The following CNOT4 variants were observed in gnomAD, a reference collection of about 807,000 sequenced individuals.
The protein encoded by CNOT4 is CCR4-associated factor 4.
CNOT4 carries 8 observed loss-of-function variants against 73.8 expected under a neutral mutation model. That is an observed-to-expected ratio of 0.11 (90% CI 0.06 to 0.20). CNOT4 has a LOEUF of 0.20. Among genes scored for constraint, CNOT4 ranks in the 10% least tolerant of loss-of-function variants. The pLI is 1.00. For missense variants in CNOT4, 564 were observed against 883.4 expected (o/e 0.64, Z 4.58); for synonymous variants, 293 against 321.1 (o/e 0.91, Z 0.94).
At position 135,395,827 on chromosome 7, in the gene CNOT4, G is replaced by C. The variant is rs1353336963; in HGVS notation, c.936C>G (p.Val312=). ...TGTGATTGGATGAACTGATGGGGATGACTGGATTGGATTTTGACAAACCAG... is the reference window on the plus strand; with the variant it reads ...TGTGATTGGATGAACTGATGGGGATCACTGGATTGGATTTTGACAAACCAG... ...PPPGLSKSNP[V]IPISSSNHSA... is the part of the protein sequence containing the mutation. Residue 312 remains valine (V), a synonymous_variant, in exon 9 of 12, where the codon GTC becomes GTG. Coordinates refer to ENST00000541284, the MANE Select transcript of CNOT4 (RefSeq NM_001190850.2). The C allele has an allele frequency of 1.2e-6, 2 of 1,612,028 alleles. No homozygotes were observed. The highest frequency in any genetic ancestry group is 1.7e-6 in the Non-Finnish European group (2 of 1,178,088).
Position 135,504,462 on chromosome 7 carries a change from ATTTTTT to A in CNOT4, c.-93+5421_-93+5426del, listed in dbSNP as rs34100799. On this transcript the variant is annotated intron_variant, in intron 1 of 11. Transcript: ENST00000541284. ...AGGCACGTGCCACCACATCCGGCTAATTTTTTTTTTTTTTTTTTTTTTTTTTTATTT... is the reference window on the plus strand; with the variant it reads ...AGGCACGTGCCACCACATCCGGCTAATTTTTTTTTTTTTTTTTTTTTATTT... Among the ~76,000 whole-genome samples the A allele has an allele frequency of 5.4e-5, 3 of 55,942 alleles. 1 individual carries two copies. The Admixed American group carries it at 6.3e-4, about 12-fold the overall frequency. 36.7% of individuals were successfully genotyped at this position (55,942 alleles called of 152,430 possible).
intron 1 of CNOT4, among the ~76,000 whole-genome samples, chr7:135,507,257 T>C (rs1025144223): frequency 2.0e-5 from 3 of 152,232 alleles, no homozygotes; most frequent in African/African-American, 7.2e-5. Context: ...CTTTAAGCGA[T>C]TCATGTTCAA....
chr7:135,388,072 A>G (rs1796212241), intron 10 of CNOT4: 1 of 985,288 alleles, frequency 1.0e-6, no homozygotes, highest in Admixed American at 6.1e-5. Flanking sequence ...TATAAACTGA[A>G]GTTCTGTTTT....
At position 135,395,656 on chromosome 7, in the gene CNOT4, T is replaced by C. The variant is rs1270663280; in HGVS notation, c.1107A>G (p.Glu369=). 1.2e-6 allele frequency: 2 copies of C among 1,614,018 alleles called. No homozygotes were observed. Among genetic ancestry groups the C allele is most frequent in the African/African-American group, 1.3e-5 (1 of 75,046 alleles). The change falls in exon 9 of 12, where the codon GAA becomes GAG. Residue 369 remains glutamate, a synonymous_variant. Coordinates refer to ENST00000541284, the MANE Select transcript of CNOT4 (RefSeq NM_001190850.2). ...QTSSDWPTAP[E]PQSLFTSETI... ...TACCTGATGTGAAGAGGCTCTGTGG[T>C]TCTGGTGCTGTAGGCCAGTCACTGG...
chr7:135,436,876 C>T lies in CNOT4; in HGVS notation c.174+1282G>A, dbSNP rs985270123. On this transcript the variant is annotated intron_variant, in intron 2 of 11. Coordinates refer to ENST00000541284, the MANE Select transcript of CNOT4 (RefSeq NM_001190850.2). Reference sequence around the variant, plus strand: ...AGATTATTTTTTAAATTTTAGATATCTAAAACACATTTCAGCTTTCTCAAA... The same window carrying T: ...AGATTATTTTTTAAATTTTAGATATTTAAAACACATTTCAGCTTTCTCAAA... 1.3e-5 allele frequency among the ~76,000 whole-genome samples: 2 copies of T among 151,878 alleles called. 1 individual carries two copies. The highest frequency in any genetic ancestry group is 4.1e-4 in the South Asian group (2 of 4,824).
chr7:135,422,040 C>T, intron 3 of CNOT4, 116 bp downstream of exon 3: 1 of 638,094 alleles, frequency 1.6e-6, no homozygotes, highest in Non-Finnish European at 2.8e-6. Flanking sequence ...TTATTTTCTC[C>T]TTCAAGATAT....
At chr7:135,439,713 A>G (rs143014060) in intron 1 of CNOT4, among the ~76,000 whole-genome samples, 10 of 152,330 alleles carry the variant, frequency 6.6e-5, no homozygotes, top group African/African-American at 2.4e-4. Flanking sequence ...CCAGGAGTTC[A>G]AGGCTGCAGT....
intron 1 of CNOT4, among the ~76,000 whole-genome samples, chr7:135,470,112 C>T (rs927366403): frequency 7.9e-5 from 12 of 151,638 alleles, no homozygotes; most frequent in African/African-American, 2.9e-4. Flanking sequence ...AGTGAGACAC[C>T]GTGCCGAGCC....
At chr7:135,409,452 CTAATT>C (rs1477952863) in intron 7 of CNOT4, among the ~76,000 whole-genome samples, 1 of 151,888 alleles carries the variant, frequency 6.6e-6, no homozygotes, top group Non-Finnish European at 1.5e-5. Context: ...ATATATGTGT[CTAATT>C]TAGTTTTTAA....
chr7:135,396,563 T>C (rs1201199171), intron 8 of CNOT4, among the ~76,000 whole-genome samples: 1 of 152,194 alleles, frequency 6.6e-6, no homozygotes, highest in Admixed American at 6.5e-5. Context: ...GGATTGGTGA[T>C]AAGAGAGAAA....
chr7:135,477,287 G>C (rs1195056882), intron 1 of CNOT4, among the ~76,000 whole-genome samples: 2 of 151,566 alleles, frequency 1.3e-5, no homozygotes, highest in Non-Finnish European at 1.5e-5. Flanking sequence ...AGGTTGCAGT[G>C]AGCTGGGATT....
chr7:135,434,956 T>C (rs1009501858), intron 2 of CNOT4, among the ~76,000 whole-genome samples: 8 of 152,182 alleles, frequency 5.3e-5, no homozygotes, highest in Non-Finnish European at 1.2e-4. Context: ...TTTGCATGTG[T>C]GAAAATGTTT....
intron 1 of CNOT4, among the ~76,000 whole-genome samples, chr7:135,494,344 C>T (rs1803314760): frequency 6.6e-6 from 1 of 151,848 alleles, no homozygotes; most frequent in Non-Finnish European, 1.5e-5. Flanking sequence ...GTAGTGCGCG[C>T]CTGTAATCCC....
At chr7:135,468,208 T>A (rs1801346897) in intron 1 of CNOT4, among the ~76,000 whole-genome samples, 1 of 151,576 alleles carries the variant, frequency 6.6e-6, no homozygotes, top group Admixed American at 6.6e-5. Flanking sequence ...AGAGCGAGAC[T>A]CTGTCTCAAA....
intron 1 of CNOT4, among the ~76,000 whole-genome samples, chr7:135,454,853 C>T (rs1045405534): frequency 2.6e-5 from 4 of 152,118 alleles, no homozygotes; most frequent in African/African-American, 4.8e-5. Context: ...CACTTCACTC[C>T]AGCCTGTGTG....
chr7:135,376,537 A>G (rs2129482754), intron 10 of CNOT4, among the ~76,000 whole-genome samples: 1 of 152,300 alleles, frequency 6.6e-6, no homozygotes, highest in South Asian at 2.1e-4. Context: ...AGATGAAAGT[A>G]TTGTGCTTCC....
chr7:135,399,771 A>T (rs1468931643), intron 7 of CNOT4, among the ~76,000 whole-genome samples: 1 of 152,116 alleles, frequency 6.6e-6, no homozygotes, highest in Non-Finnish European at 1.5e-5. Flanking sequence ...ACAGATTTGA[A>T]ATTTACTTGA....
intron 2 of CNOT4, among the ~76,000 whole-genome samples, chr7:135,428,982 T>TAC (rs767015509): frequency 2.6e-5 from 4 of 152,038 alleles, no homozygotes; most frequent in Admixed American, 6.6e-5. Flanking sequence ...TACAAAGTTA[T>TAC]ACACACACAC....
intron 1 of CNOT4, among the ~76,000 whole-genome samples, chr7:135,448,301 T>C (rs991473733): frequency 1.3e-5 from 2 of 152,032 alleles, no homozygotes; most frequent in Non-Finnish European, 2.9e-5. Flanking sequence ...TCCCAGCACT[T>C]TGGGAGGCCG....
Sources: allele counts gnomAD v4.1 joint callset (sites outside exome capture counted in the v4.1 genomes callset), GRCh38; gene constraint gnomAD v4.1.1; transcripts MANE v1.5; gene names NCBI Gene and HGNC (gene_info 2026-07-23, HGNC 2026-07-21).